ANO10: variants seen among roughly 807,000 people sequenced by gnomAD.
ANO10 encodes anoctamin-10.
ANO10 carries 77 observed loss-of-function variants against 74.7 expected under a neutral mutation model. That is an observed-to-expected ratio of 1.03 (90% confidence interval 0.86 to 1.25). ANO10 has a LOEUF of 1.25. ANO10 is among the 50% of genes most tolerant of loss of function. The pLI is 0.00. For missense variants in ANO10, 721 were observed against 778.1 expected (o/e 0.93, Z 0.87); for synonymous variants, 279 against 284.9 (o/e 0.98, Z 0.21).
intron 1 of ANO10, among the ~76,000 whole-genome samples, chr3:43,631,102 C>T (rs746551461): frequency 1.9e-4 from 29 of 152,218 alleles, no homozygotes; most frequent in Non-Finnish European, 3.8e-4. Flanking sequence ...AGGCTGCTGT[C>T]AGTGCGGTCT....
chr3:43,640,071 T>C (rs2083656382), intron 1 of ANO10, among the ~76,000 whole-genome samples: 1 of 152,236 alleles, frequency 6.6e-6, no homozygotes, highest in South Asian at 2.1e-4. Context: ...AACAGTGTTC[T>C]GGACAATCAT....
chr3:43,631,755 T>TA lies in ANO10; in HGVS notation c.-11-25893dup, dbSNP rs373728765. 5.9e-3 allele frequency among the ~76,000 whole-genome samples: 678 copies of TA among 114,876 alleles called. 2 individuals carry two copies. Among genetic ancestry groups the TA allele is most frequent in the African/African-American group, 0.017 (548 of 31,410 alleles). The allele number at this position is 114,876 out of a possible 152,430, so 75.4% of individuals were successfully genotyped here. On this transcript the variant is annotated intron_variant, in intron 1 of 3. Coordinates refer to the ANO10 transcript ENST00000413397. ...TTTCTATGGCAAAAGAAAGTGCTTA[T>TA]AAAAAAAAAAAAAGAAGAAAGAAAA...
At chr3:43,477,435 G>A (rs1293885807) in intron 11 of ANO10, among the ~76,000 whole-genome samples, 5 of 152,182 alleles carry the variant, frequency 3.3e-5, no homozygotes, top group African/African-American at 7.2e-5. Context: ...AATGAAGCAA[G>A]ACGTACTCCA....
At chr3:43,668,895 T>A (rs2084023070) in intron 1 of ANO10, among the ~76,000 whole-genome samples, 1 of 152,206 alleles carries the variant, frequency 6.6e-6, no homozygotes, top group South Asian at 2.1e-4. Flanking sequence ...TTCGCTATTT[T>A]AATTGAGCAT....
intron 11 of ANO10, among the ~76,000 whole-genome samples, chr3:43,544,686 A>G (rs1017485306): frequency 6.6e-6 from 1 of 151,766 alleles, no homozygotes; most frequent in Admixed American, 6.6e-5. Context: ...CCAGCTACTC[A>G]GGAGGCTGAG....
At chr3:43,653,790 C>T (rs764182963) in intron 1 of ANO10, among the ~76,000 whole-genome samples, 12 of 152,128 alleles carry the variant, frequency 7.9e-5, no homozygotes, top group Non-Finnish European at 1.5e-4. Flanking sequence ...TACCTAGAAC[C>T]CCATGAAGTC....
intron 7 of ANO10, among the ~76,000 whole-genome samples, chr3:43,572,489 T>A (rs1280563916): frequency 6.6e-6 from 1 of 152,214 alleles, no homozygotes; most frequent in Non-Finnish European, 1.5e-5. Context: ...ATTCTCTCTA[T>A]CGCAGAGAGA....
At chr3:43,458,716 G>A (rs2075249143) in intron 11 of ANO10, among the ~76,000 whole-genome samples, 1 of 152,116 alleles carries the variant, frequency 6.6e-6, no homozygotes, top group Non-Finnish European at 1.5e-5. Flanking sequence ...AGGTATACAT[G>A]TGCCATGGTG....
At chr3:43,414,642 T>A (rs2092711156) in intron 12 of ANO10, among the ~76,000 whole-genome samples, 1 of 152,214 alleles carries the variant, frequency 6.6e-6, no homozygotes. Context: ...TAAATATTTT[T>A]AAGGACTCAC....
intron 12 of ANO10, among the ~76,000 whole-genome samples, chr3:43,373,818 T>C (rs1455916982): frequency 3.9e-5 from 6 of 152,138 alleles, no homozygotes; most frequent in Admixed American, 2.6e-4. Context: ...GCCATGAGGT[T>C]CCACAGGTGG....
At chr3:43,618,278 A>G (rs576876575) in intron 1 of ANO10, among the ~76,000 whole-genome samples, 2 of 152,298 alleles carry the variant, frequency 1.3e-5, no homozygotes, top group South Asian at 4.1e-4. Context: ...AGGATACTGA[A>G]GACAGTCCTG....
chr3:43,429,695 C>T (rs1027830457), intron 12 of ANO10, among the ~76,000 whole-genome samples: 1 of 152,022 alleles, frequency 6.6e-6, no homozygotes, highest in Non-Finnish European at 1.5e-5. Flanking sequence ...TCAATAGCTG[C>T]AAAAATGTAG....
intron 12 of ANO10, among the ~76,000 whole-genome samples, chr3:43,382,047 T>G (rs1042461828): frequency 1.3e-5 from 2 of 152,160 alleles, no homozygotes; most frequent in Non-Finnish European, 2.9e-5. Context: ...TATCAAAACC[T>G]CTGGGATACA....
At chr3:43,374,020 G>C (rs1261723053) in intron 12 of ANO10, among the ~76,000 whole-genome samples, 1 of 152,170 alleles carries the variant, frequency 6.6e-6, no homozygotes, top group African/African-American at 2.4e-5. Context: ...AAATCACCTA[G>C]TAACTAAACC....
Position 43,598,564 on chromosome 3 carries a change from G to A in ANO10, c.440C>T (p.Pro147Leu), listed in dbSNP as rs771572225. 6.2e-7 allele frequency: 1 copy of A among 1,613,038 alleles called. No individual in the cohort carries two copies. The highest frequency in any genetic ancestry group is 8.5e-7 in the Non-Finnish European group (1 of 1,179,638). Residue 147 changes from proline to leucine, a missense_variant, in exon 4 of 13, where the codon CCT (proline) becomes CTT (leucine). By Grantham distance (98) the Pro-to-Leu change is moderately conservative. Coordinates refer to ENST00000292246, the MANE Select transcript of ANO10 (RefSeq NM_018075.5). ...AKDEKMIPGY[P>L]QAKLYPGKSL... Reference sequence around the variant, plus strand: ...TTTTCCTGGATACAACTTTGCCTGAGGGTAACCAGGGATCATTTTTTCATC... The same window carrying A: ...TTTTCCTGGATACAACTTTGCCTGAAGGTAACCAGGGATCATTTTTTCATC...
chr3:43,432,846 T>A (rs1372801698), intron 11 of ANO10, 119 bp from the exon 12 acceptor site: 1 of 766,058 alleles, frequency 1.3e-6, no homozygotes, highest in African/African-American at 1.7e-5. Context: ...TTCTAAGTAT[T>A]GGCCTGTGAA....
At chr3:43,679,729 C>T (rs543062860) in intron 1 of ANO10, among the ~76,000 whole-genome samples, 1 of 152,306 alleles carries the variant, frequency 6.6e-6, no homozygotes, top group South Asian at 2.1e-4. Context: ...CCGGGTACTC[C>T]TCTGAGACAA....
intron 1 of ANO10, among the ~76,000 whole-genome samples, chr3:43,686,556 G>C (rs1380358677): frequency 1.3e-5 from 2 of 152,170 alleles, no homozygotes; most frequent in Non-Finnish European, 2.9e-5. Flanking sequence ...AAACTGCTAG[G>C]ATGACAGGCG....
At chr3:43,382,375 C>T (rs1190959916) in intron 12 of ANO10, among the ~76,000 whole-genome samples, 2 of 151,706 alleles carry the variant, frequency 1.3e-5, no homozygotes, top group African/African-American at 4.8e-5. Flanking sequence ...AAAAATTAGC[C>T]GGGCGTGGTA....
Sources: gnomAD v4.1 joint callset for allele counts (sites outside exome capture counted in the v4.1 genomes callset) on GRCh38, gnomAD v4.1.1 for gene constraint, MANE v1.5 for transcripts, NCBI Gene and HGNC (gene_info 2026-07-23, HGNC 2026-07-21) for gene names.